The following RNLS variants were observed in gnomAD, a reference collection of about 807,000 sequenced individuals.
RNLS encodes renalase, FAD dependent amine oxidase, also known as renalase.
A neutral mutation model predicts 39.8 loss-of-function variants in RNLS; 39 were observed. That is an observed-to-expected ratio of 0.98 (90% CI 0.76 to 1.28). The LOEUF is 1.28. Ranked by LOEUF, RNLS falls within the 50% of genes most tolerant of loss-of-function variation. The pLI is 0.00. For synonymous variants in RNLS, 147 were observed against 150.7 expected, an observed-to-expected ratio of 0.98 and a Z score of 0.18; for missense variants, 410 against 413.3, an observed-to-expected ratio of 0.99 and a Z score of 0.07.
chr10:88,324,973 G>T (rs1286403085), intron 5 of RNLS, among the ~76,000 whole-genome samples: 2 of 152,028 alleles, frequency 1.3e-5, no homozygotes, highest in Non-Finnish European at 2.9e-5. Context: ...AGTAGGTCAG[G>T]GTTTCCTTCC....
At chr10:88,535,472 G>C (rs775072175) in intron 4 of RNLS, among the ~76,000 whole-genome samples, 30 of 152,028 alleles carry the variant, frequency 2.0e-4, no homozygotes, top group Non-Finnish European at 3.7e-4. Flanking sequence ...AGGAAGAATA[G>C]TTAATGGATG....
chr10:88,433,026 A>G (rs1384217642), intron 4 of RNLS, among the ~76,000 whole-genome samples: 1 of 152,068 alleles, frequency 6.6e-6, no homozygotes, highest in Admixed American at 6.6e-5. Flanking sequence ...GCAAAAGATT[A>G]ATAGCTGGCA....
chr10:88,531,984 C>T (rs1233676030), intron 4 of RNLS, among the ~76,000 whole-genome samples: 2 of 151,908 alleles, frequency 1.3e-5, no homozygotes, highest in African/African-American at 4.8e-5. Context: ...ATCTTGCTTG[C>T]TTCCTCCAAC....
chr10:88,205,647 C>T, the RNLS span, among the ~76,000 whole-genome samples: 1 of 152,118 alleles, frequency 6.6e-6, no homozygotes, highest in Non-Finnish European at 1.5e-5. Flanking sequence ...AAGGTCTGGT[C>T]CCAAGTGGCA....
chr10:88,415,476 T>C (rs140875108), intron 4 of RNLS, among the ~76,000 whole-genome samples: 2 of 151,862 alleles, frequency 1.3e-5, no homozygotes, highest in South Asian at 2.1e-4. Context: ...TTTAAATGAC[T>C]TTTTTCCCCC....
intron 4 of RNLS, among the ~76,000 whole-genome samples, chr10:88,438,549 A>C (rs1034978006): frequency 1.3e-5 from 2 of 152,254 alleles, no homozygotes; most frequent in African/African-American, 4.8e-5. Flanking sequence ...TTGTGTAAGA[A>C]GTAATCTTGG....
intron 4 of RNLS, among the ~76,000 whole-genome samples, chr10:88,554,790 C>A (rs1848771763): frequency 6.6e-6 from 1 of 152,128 alleles, no homozygotes; most frequent in African/African-American, 2.4e-5. Flanking sequence ...CTTGCTCCTA[C>A]ATAATCAATT....
intron 5 of RNLS, among the ~76,000 whole-genome samples, chr10:88,353,843 C>T (rs1029809201): frequency 1.3e-5 from 2 of 152,184 alleles, no homozygotes; most frequent in African/African-American, 4.8e-5. Context: ...GTATGGGAGT[C>T]TAAGTCTCTT....
intron 6 of RNLS, among the ~76,000 whole-genome samples, chr10:88,288,591 G>A (rs1015477934): frequency 1.3e-5 from 2 of 152,082 alleles, no homozygotes; most frequent in African/African-American, 2.4e-5. Context: ...GATAAACTGT[G>A]GCACTATTAA....
At position 88,514,105 on chromosome 10, in the gene RNLS, G is replaced by A. The variant is rs192699067; in HGVS notation, c.526+58798C>T. Among the ~76,000 whole-genome samples, 685 of 150,428 alleles carry A rather than the reference G, an allele frequency of 4.6e-3. 4 individuals carry two copies. Among genetic ancestry groups the A allele is most frequent in the African/African-American group, 0.016 (644 of 40,930 alleles). On this transcript the variant is annotated intron_variant, in intron 4 of 6. Coordinates refer to ENST00000331772, the MANE Select transcript of RNLS (RefSeq NM_001031709.3). The stretch of plus-strand genomic sequence containing the variant: ...TTCACACTGCAATAAACAACTGCCC[G>A]AGACTGGGTAATTTATAAAAAAAAA...
At chr10:88,371,444 A>AAAAAC (rs1208496568) in intron 4 of RNLS, among the ~76,000 whole-genome samples, 1 of 152,194 alleles carries the variant, frequency 6.6e-6, no homozygotes, top group Non-Finnish European at 1.5e-5. Flanking sequence ...AGTAGAGAAT[A>AAAAAC]AAAACAAAAC....
At chr10:88,582,983 C>G (rs1564924069) in intron 1 of RNLS, 90 bp downstream of exon 1, 1 of 1,447,856 alleles carries the variant, frequency 6.9e-7, no homozygotes, top group Non-Finnish European at 9.3e-7. Flanking sequence ...AGCGTTTTCG[C>G]CTTAGACTTT....
At chr10:88,215,586 G>A in the RNLS span, among the ~76,000 whole-genome samples, 1 of 151,876 alleles carries the variant, frequency 6.6e-6, no homozygotes, top group African/African-American at 2.4e-5. Flanking sequence ...TCACTGTTTT[G>A]AGAACAAGGC....
the RNLS span, among the ~76,000 whole-genome samples, chr10:88,174,340 A>G: frequency 6.6e-6 from 1 of 151,974 alleles, no homozygotes; most frequent in Non-Finnish European, 1.5e-5. Flanking sequence ...GTCTTGTTCC[A>G]GATCTTAGAT....
rs78812338 is a variant in RNLS at position 88,402,704 on chromosome 10, T to C, written c.527-39979A>G. On this transcript the variant is annotated intron_variant, in intron 4 of 6. Coordinates refer to ENST00000331772, the MANE Select transcript of RNLS (RefSeq NM_001031709.3). Reference sequence around the variant, plus strand: ...AGTAAAAAGATGACATTCTATTTTATAGAATGTTCTAGAAAATTCTATCTT... The same window carrying C: ...AGTAAAAAGATGACATTCTATTTTACAGAATGTTCTAGAAAATTCTATCTT... 4.4e-3 allele frequency among the ~76,000 whole-genome samples: 662 copies of C among 152,056 alleles called. 5 individuals are homozygous for C. The highest frequency in any genetic ancestry group is 0.015 in the African/African-American group (619 of 41,502).
intron 4 of RNLS, among the ~76,000 whole-genome samples, chr10:88,489,606 G>A (rs2134058390): frequency 6.6e-6 from 1 of 152,220 alleles, no homozygotes; most frequent in Admixed American, 6.5e-5. Flanking sequence ...TTAATAGCAA[G>A]GACCTCATCA....
At chr10:88,274,642 G>A (rs751290814) in exon 7 of RNLS, 3 of 252,016 alleles carry the variant, frequency 1.2e-5, no homozygotes, top group South Asian at 5.9e-5. Context: ...GAATAAAGCC[G>A]CTGTGAACAT....
chr10:88,523,106 A>T (rs1348590325), intron 4 of RNLS, among the ~76,000 whole-genome samples: 3 of 152,146 alleles, frequency 2.0e-5, no homozygotes, highest in Admixed American at 6.6e-5. Flanking sequence ...ACCCTTTTCT[A>T]TCTTTACAGT....
At chr10:88,573,263 G>A (rs1031584994) in intron 3 of RNLS, among the ~76,000 whole-genome samples, 8 of 152,100 alleles carry the variant, frequency 5.3e-5, no homozygotes, top group Non-Finnish European at 1.2e-4. Flanking sequence ...TTCCCTATCA[G>A]TGCCTGCTCT....
Sources: allele counts gnomAD v4.1 joint callset (sites outside exome capture counted in the v4.1 genomes callset), GRCh38; gene constraint gnomAD v4.1.1; transcripts MANE v1.5; gene names NCBI Gene and HGNC (gene_info 2026-07-23, HGNC 2026-07-21).